WDR3: variants seen among roughly 807,000 people sequenced by gnomAD.
The protein encoded by WDR3 is WD repeat domain 3, also known as WD repeat-containing protein 3.
A neutral mutation model predicts 123.7 loss-of-function variants in WDR3; 81 were observed. The ratio of observed to expected loss-of-function variants is 0.65; its 90% confidence interval spans 0.55 to 0.79. The LOEUF is 0.79. Among genes scored for constraint, WDR3 ranks in the 30% least tolerant of loss-of-function variants. WDR3 has a pLI of 0.00. For missense variants in WDR3, 1,027 were observed against 1,123.2 expected (o/e 0.91, Z 1.22); for synonymous variants, 390 against 388.8 (o/e 1.00, Z -0.04).
At chr1:117,944,093 A>G (rs999333429) in intron 11 of WDR3, among the ~76,000 whole-genome samples, 1 of 152,146 alleles carries the variant, frequency 6.6e-6, no homozygotes, top group African/African-American at 2.4e-5. Context: ...ATTGCTCTCC[A>G]GTTACTACCC....
At chr1:117,942,358 GC>G in intron 9 of WDR3, 78 bp from the exon 10 acceptor site, 1 of 1,179,226 alleles carries the variant, frequency 8.5e-7, no homozygotes, top group Non-Finnish European at 1.3e-6. Context: ...TGGTCAAGGG[GC>G]CAGATTTTGA....
At chr1:117,955,222 G>A (rs1363522700) in intron 23 of WDR3, 93 bp from the exon 24 acceptor site, 8 of 1,036,842 alleles carry the variant, frequency 7.7e-6, no homozygotes, top group Admixed American at 7.1e-5. Context: ...AAGTAAGAAG[G>A]AGGGGTTCCT....
intron 12 of WDR3, among the ~76,000 whole-genome samples, chr1:117,947,227 G>T (rs983212874): frequency 6.6e-6 from 1 of 152,170 alleles, no homozygotes; most frequent in Admixed American, 6.5e-5. Flanking sequence ...AATAGAGCTG[G>T]TAGCAGACAT....
At chr1:117,950,729 T>C (rs1312140116) in intron 15 of WDR3, 105 bp from the exon 16 acceptor site, 1 of 1,004,700 alleles carries the variant, frequency 1.0e-6, no homozygotes, top group Non-Finnish European at 1.5e-6. Flanking sequence ...AATACAGATA[T>C]AAAGCAATTT....
chr1:117,934,612 A>G lies in WDR3; in HGVS notation c.311A>G (p.Asn104Ser), dbSNP rs60920480. The change falls in exon 3 of 27, where the codon AAT (asparagine) becomes AGT (serine). Residue 104 changes from asparagine (N) to serine (S), a missense_variant. Asn to Ser is a conservative substitution (Grantham distance 46). Transcript: ENST00000349139. ...LLSGEGNVTF[N>S]GHKAAITTLK... ...AGTGGGGAAGGAAATGTGACCTTCAATGGTCACAAAGCAGCTATCACTACC... is the reference window on the plus strand; with the variant it reads ...AGTGGGGAAGGAAATGTGACCTTCAGTGGTCACAAAGCAGCTATCACTACC... 1.5e-3 allele frequency: 2,447 copies of G among 1,614,098 alleles called. 26 individuals are homozygous for G. The African/African-American group carries it at 0.026, about 17-fold the overall frequency.
At position 117,938,659 on chromosome 1, in the gene WDR3, A is replaced by G. The variant is rs531242554; in HGVS notation, c.579+101A>G. The G allele has an allele frequency of 2.9e-5, 29 of 1,013,766 alleles. No homozygotes were observed. The South Asian group carries it at 4.5e-4, about 16-fold the overall frequency. 62.8% of individuals were successfully genotyped at this position (1,013,766 alleles called of 1,614,324 possible). ...TCATGGCTCTTTGTTTTTAGTGCACACAGTAATTATCATATGCCATCTTGA... is the reference window on the plus strand; with the variant it reads ...TCATGGCTCTTTGTTTTTAGTGCACGCAGTAATTATCATATGCCATCTTGA... On this transcript the variant is annotated intron_variant, in intron 5 of 26. Coordinates refer to ENST00000349139, the MANE Select transcript of WDR3 (RefSeq NM_006784.3).
At chr1:117,938,590 A>T (rs1195269447) in intron 5 of WDR3, 32 bp downstream of exon 5, 2 of 1,590,108 alleles carry the variant, frequency 1.3e-6, no homozygotes. Context: ...CAGGGAAATA[A>T]TGGGAAGGCA....
intron 10 of WDR3, 113 bp downstream of exon 10, chr1:117,942,657 G>T: frequency 1.1e-6 from 1 of 901,154 alleles, no homozygotes; most frequent in Non-Finnish European, 1.7e-6. Flanking sequence ...GGAGACGGTG[G>T]TCATGAGACA....
rs1186426304 is a variant in WDR3 at position 117,965,757 on chromosome 1, G to C, written c.*6310G>C. The C allele has an allele frequency of 6.6e-6, 1 of 152,160 alleles. No homozygotes were observed. The highest frequency in any genetic ancestry group is 1.5e-5 in the Non-Finnish European group (1 of 68,030). The allele number at this position is 152,160 out of a possible 1,614,324, so 9.4% of individuals were successfully genotyped here. A position where few individuals can be genotyped will look rare whatever the true frequency, so the allele number is the denominator to read the frequency against. Reference sequence around the variant, plus strand: ...GCTGATCATGTCACCCACAGGGTCAGGAATCTGCAGTGGTTCACTGCTGCT... The same window carrying C: ...GCTGATCATGTCACCCACAGGGTCACGAATCTGCAGTGGTTCACTGCTGCT... On this transcript the variant is annotated 3_prime_UTR_variant, in exon 27 of 27. Transcript: ENST00000349139.
Position 117,952,677 on chromosome 1 carries a change from C to T in WDR3, c.2151+15C>T, listed in dbSNP as rs1271184847. ...AAAGGGAGATGGTAAGAACTTTAGG[C>T]TTGGTTACAAATATGCCAGTAGGTA... On this transcript the variant is annotated intron_variant, in intron 19 of 26. Coordinates refer to ENST00000349139, the MANE Select transcript of WDR3 (RefSeq NM_006784.3). 6.2e-7 allele frequency: 1 copy of T among 1,610,352 alleles called. No individual in the cohort carries two copies. Among genetic ancestry groups the T allele is most frequent in the Non-Finnish European group, 8.5e-7 (1 of 1,178,392 alleles).
At chr1:117,936,195 C>A (rs1650940171) in intron 3 of WDR3, among the ~76,000 whole-genome samples, 1 of 151,952 alleles carries the variant, frequency 6.6e-6, no homozygotes, top group Non-Finnish European at 1.5e-5. Context: ...ATTTACCCAA[C>A]CTGGAGATCA....
intron 26 of WDR3, 69 bp from the exon 27 acceptor site, chr1:117,959,223 C>A: frequency 6.5e-7 from 1 of 1,537,438 alleles, no homozygotes; most frequent in African/African-American, 1.4e-5. Flanking sequence ...GTTACCCTAA[C>A]TCTCATACGC....
Position 117,940,818 on chromosome 1 carries a change from A to G in WDR3, c.676-9A>G. ...TTTCAGCTTTTATTTTCTCATTTTT[A>G]TAAAACAGATTGAAGACCCGGAAGA... On this transcript the variant is annotated splice_polypyrimidine_tract_variant and intron_variant, in intron 6 of 26. Transcript: ENST00000349139. The G allele has an allele frequency of 1.3e-6, 2 of 1,596,558 alleles. No homozygotes were observed. Among genetic ancestry groups the G allele is most frequent in the Non-Finnish European group, 1.7e-6 (2 of 1,172,306 alleles).
Position 117,936,890 on chromosome 1 carries a change from A to G in WDR3, c.500+3A>G. 6.2e-7 allele frequency: 1 copy of G among 1,605,094 alleles called. No homozygotes were observed. Among genetic ancestry groups the G allele is most frequent in the Non-Finnish European group, 8.5e-7 (1 of 1,174,694 alleles). On this transcript the variant is annotated splice_donor_region_variant and intron_variant, in intron 4 of 26. Transcript: ENST00000349139. ...GAAAAGAACCTGCTAGTTACTAGGT[A>G]AAGAAATAATGGTTTAATTTCCAGT...
chr1:117,955,504 A>G (rs1246513805), intron 24 of WDR3, 146 bp downstream of exon 24: 2 of 744,226 alleles, frequency 2.7e-6, no homozygotes, highest in Admixed American at 3.3e-5. Context: ...AATAATTTAT[A>G]ATGTTCTTTT....
At position 117,955,885 on chromosome 1, in the gene WDR3, T is replaced by G. The variant is rs1223097305; in HGVS notation, c.2453+527T>G. ...CACTGAATATGTTTACACATATATC[T>G]TTGTCATCATTATTGATTATTTTTC... On this transcript the variant is annotated intron_variant, in intron 24 of 26. Transcript: ENST00000349139. Among the ~76,000 whole-genome samples, 6 of 152,252 alleles carry G rather than the reference T, an allele frequency of 3.9e-5. 1 individual carries two copies. The highest frequency in any genetic ancestry group is 3.4e-3 in the Middle Eastern group (1 of 294).
Position 117,933,429 on chromosome 1 carries a change from G to C in WDR3, c.110G>C (p.Arg37Pro), listed in dbSNP as rs200209712. ...GTGACACTTCGTGGTGAGAAAGGAC[G>C]TTATGTGGCAGTACCAGCTTGTGAA... ...VFVTLRGEKG[R>P]YVAVPACEHV... The change falls in exon 2 of 27, where the codon CGT (arginine) becomes CCT (proline). Residue 37 changes from arginine to proline, a missense_variant. Coordinates refer to ENST00000349139, the MANE Select transcript of WDR3 (RefSeq NM_006784.3). The C allele has an allele frequency of 6.8e-6, 11 of 1,614,214 alleles. No individual in the cohort carries two copies. The highest frequency in any genetic ancestry group is 9.3e-6 in the Non-Finnish European group (11 of 1,180,040).
intron 10 of WDR3, 76 bp from the exon 11 acceptor site, chr1:117,943,320 A>C: frequency 7.9e-7 from 1 of 1,265,734 alleles, no homozygotes; most frequent in Admixed American, 2.1e-5. Context: ...GGACATTGTA[A>C]AGCCTTTTCC....
chr1:117,940,029 C>T (rs1380886822), intron 6 of WDR3, among the ~76,000 whole-genome samples: 3 of 152,210 alleles, frequency 2.0e-5, no homozygotes, highest in Non-Finnish European at 2.9e-5. Flanking sequence ...CTGGGTCCAG[C>T]AGCCATTTCG....
Sources: gnomAD v4.1 joint callset for allele counts (sites outside exome capture counted in the v4.1 genomes callset) on GRCh38, gnomAD v4.1.1 for gene constraint, MANE v1.5 for transcripts, NCBI Gene and HGNC (gene_info 2026-07-23, HGNC 2026-07-21) for gene names.